PRKACB: variants seen among roughly 807,000 people sequenced by gnomAD.
PRKACB encodes the protein cAMP-dependent protein kinase catalytic subunit beta.
Under a neutral mutation model 51.4 loss-of-function variants are expected in PRKACB, and 16 were observed. The observed-to-expected ratio is 0.31, with a 90% CI of 0.21 to 0.47. The LOEUF (loss-of-function observed/expected upper bound fraction) is 0.47. Among genes scored for constraint, PRKACB ranks in the 20% least tolerant of loss-of-function variants. The probability of loss-of-function intolerance (pLI) is 1.00; values close to 1 mark genes in which losing one functional copy is unlikely to be tolerated. For missense variants in PRKACB, 309 were observed against 464.5 expected (o/e 0.67, Z 3.08); for synonymous variants, 147 against 154.4 (o/e 0.95, Z 0.35).
At chr1:84,092,885 GTT>G (rs574177116) in intron 1 of PRKACB, among the ~76,000 whole-genome samples, 3 of 133,750 alleles carry the variant, frequency 2.2e-5, no homozygotes, top group African/African-American at 8.1e-5. Context: ...TTTATAAAAT[GTT>G]TTTTTTTTTT....
intron 1 of PRKACB, among the ~76,000 whole-genome samples, chr1:84,122,612 A>G (rs1333129135): frequency 1.3e-5 from 2 of 152,198 alleles, no homozygotes; most frequent in Non-Finnish European, 2.9e-5. Flanking sequence ...GCCATTATAT[A>G]GTAATTATGA....
rs1332243171 is a variant in PRKACB at position 84,237,546 on chromosome 1, T to A, written c.*2241T>A. The A allele has an allele frequency of 6.6e-6, 1 of 152,400 alleles. No individual in the cohort carries two copies. The highest frequency in any genetic ancestry group is 2.1e-4 in the South Asian group (1 of 4,828). 9.4% of individuals were successfully genotyped at this position (152,400 alleles called of 1,614,324 possible). ...TCAGCCATTCCATTTTACTCTCTATTTAAAGGCCGTGAGCAAGCTTGTCAT... is the reference window on the plus strand; with the variant it reads ...TCAGCCATTCCATTTTACTCTCTATATAAAGGCCGTGAGCAAGCTTGTCAT... On this transcript the variant is annotated 3_prime_UTR_variant, in exon 10 of 10. Transcript: ENST00000370685.
At chr1:84,227,499 A>G (rs1674816571) in intron 9 of PRKACB, among the ~76,000 whole-genome samples, 1 of 152,182 alleles carries the variant, frequency 6.6e-6, no homozygotes, top group African/African-American at 2.4e-5. Flanking sequence ...TTTAGAAATA[A>G]AATCTTCTGC....
At chr1:84,176,041 CT>C (rs2100893438) in intron 1 of PRKACB, among the ~76,000 whole-genome samples, 1 of 151,546 alleles carries the variant, frequency 6.6e-6, no homozygotes, top group South Asian at 2.1e-4. Flanking sequence ...CTGTTAGATG[CT>C]TTGGAGATAG....
intron 1 of PRKACB, among the ~76,000 whole-genome samples, chr1:84,168,898 A>G (rs1225813814): frequency 1.3e-5 from 2 of 151,578 alleles, no homozygotes; most frequent in Admixed American, 1.3e-4. Context: ...CCTGACATAG[A>G]AGGCATCACT....
upstream of PRKACB, chr1:84,144,224 C>A: frequency 7.0e-7 from 1 of 1,424,712 alleles, no homozygotes; most frequent in East Asian, 2.7e-5. Context: ...TAACAGGAAA[C>A]AGAACAGCAG....
rs1672558798 is a variant in PRKACB at position 84,214,324 on chromosome 1, C to T, written c.1071+7C>T. ...TGCTATTTACCAGAGGAAGGTGAGACTTTCTTTTTTAATTTAAAAGCTTTT... is the reference window on the plus strand; with the variant it reads ...TGCTATTTACCAGAGGAAGGTGAGATTTTCTTTTTTAATTTAAAAGCTTTT... On this transcript the variant is annotated splice_region_variant and intron_variant, in intron 9 of 9. Coordinates refer to ENST00000370685, the MANE Select transcript of PRKACB (RefSeq NM_182948.4). The T allele has an allele frequency of 1.3e-6, 2 of 1,555,342 alleles. No individual in the cohort carries two copies. The highest frequency in any genetic ancestry group is 2.8e-5 in the African/African-American group (2 of 71,780).
In PRKACB at chr1:84,238,336, C is replaced by G. The variant is rs985566079; in HGVS notation, c.*3031C>G. 9.8e-5 allele frequency: 15 copies of G among 152,502 alleles called. No individual in the cohort carries two copies. The highest frequency in any genetic ancestry group is 3.4e-4 in the African/African-American group (14 of 41,400). The allele number at this position is 152,502 out of a possible 1,614,324, so 9.4% of individuals were successfully genotyped here. A position where few individuals can be genotyped will look rare whatever the true frequency, so the allele number is the denominator to read the frequency against. ...GTGAAAGCACCTTGTAAACTGTAAC[C>G]TATCAATGTAAAATGTTAAGGTGTG... On this transcript the variant is annotated 3_prime_UTR_variant, in exon 10 of 10. Transcript: ENST00000370685.
intron 9 of PRKACB, among the ~76,000 whole-genome samples, chr1:84,226,274 GTT>G (rs887099141): frequency 2.2e-4 from 4 of 18,450 alleles, no homozygotes; most frequent in Non-Finnish European, 5.2e-4. Flanking sequence ...TGGGTTTTTT[GTT>G]TTTTTTTTTG....
At chr1:84,225,663 G>C (rs1674467364) in intron 9 of PRKACB, among the ~76,000 whole-genome samples, 1 of 152,110 alleles carries the variant, frequency 6.6e-6, no homozygotes, top group Middle Eastern at 3.2e-3. Context: ...CTGGAACAAT[G>C]CTATTGTGTG....
At chr1:84,083,467 C>A (rs1647711651) in intron 1 of PRKACB, among the ~76,000 whole-genome samples, 1 of 152,112 alleles carries the variant, frequency 6.6e-6, no homozygotes, top group South Asian at 2.1e-4. Context: ...TCATTGCCAG[C>A]AGCAGGATAA....
intron 1 of PRKACB, among the ~76,000 whole-genome samples, chr1:84,097,463 G>A (rs1424029170): frequency 6.6e-6 from 1 of 151,996 alleles, no homozygotes; most frequent in Admixed American, 6.6e-5. Context: ...CCATTTTGGT[G>A]TGTGTATTAA....
chr1:84,227,751 T>C (rs1674877486), intron 9 of PRKACB, among the ~76,000 whole-genome samples: 1 of 152,196 alleles, frequency 6.6e-6, no homozygotes, highest in Non-Finnish European at 1.5e-5. Context: ...GAAACAGATG[T>C]AAGGATCCAT....
At chr1:84,128,149 C>T (rs765600553) in intron 1 of PRKACB, among the ~76,000 whole-genome samples, 3 of 151,402 alleles carry the variant, frequency 2.0e-5, no homozygotes, top group Non-Finnish European at 4.4e-5. Context: ...GCTGGAATTA[C>T]AGGCGCCCAC....
chr1:84,115,339 C>A (rs1650545956), intron 1 of PRKACB, among the ~76,000 whole-genome samples: 1 of 151,838 alleles, frequency 6.6e-6, no homozygotes, highest in Non-Finnish European at 1.5e-5. Context: ...TGCAAAATGT[C>A]TACTCATGTC....
chr1:84,194,268 T>C (rs887016280), intron 5 of PRKACB, among the ~76,000 whole-genome samples: 2 of 152,198 alleles, frequency 1.3e-5, no homozygotes, highest in African/African-American at 4.8e-5. Context: ...CTCACAGTCT[T>C]AGTACTCTTT....
At chr1:84,091,718 T>G (rs112910535) in intron 1 of PRKACB, among the ~76,000 whole-genome samples, 7 of 152,260 alleles carry the variant, frequency 4.6e-5, no homozygotes, top group African/African-American at 1.7e-4. Flanking sequence ...TTGCCCGGCC[T>G]GGTCTTGAAC....
At chr1:84,200,643 T>C (rs12562031) in intron 7 of PRKACB, among the ~76,000 whole-genome samples, 74,053 of 151,656 alleles carry the variant, frequency 0.49, 18,619 homozygotes, top group Non-Finnish European at 0.56. Flanking sequence ...TTTAATCCAT[T>C]TTGAGTTGAT....
chr1:84,098,353 A>T (rs767777346), intron 1 of PRKACB, among the ~76,000 whole-genome samples: 1 of 152,154 alleles, frequency 6.6e-6, no homozygotes, highest in African/African-American at 2.4e-5. Context: ...TACTGAGAGT[A>T]CTAACTTTTT....
Sources: allele counts gnomAD v4.1 joint callset (sites outside exome capture counted in the v4.1 genomes callset), GRCh38; gene constraint gnomAD v4.1.1; transcripts MANE v1.5; gene names NCBI Gene and HGNC (gene_info 2026-07-23, HGNC 2026-07-21).